The following NEGR1 variants were observed in gnomAD, a reference collection of about 807,000 sequenced individuals.
NEGR1 encodes IgLON family member 4.
Under a neutral mutation model 40.9 loss-of-function variants are expected in NEGR1, and 10 were observed. That is an observed-to-expected ratio of 0.24 (90% CI 0.15 to 0.42). NEGR1 has a LOEUF of 0.42. NEGR1 is among the 10% of genes least tolerant of loss of function. The pLI is 1.00. For missense variants in NEGR1, 352 were observed against 438.9 expected, an observed-to-expected ratio of 0.80 and a Z score of 1.77; for synonymous variants, 185 against 166.8, an observed-to-expected ratio of 1.11 and a Z score of -0.84.
chr1:71,596,523 A>G (rs1649718375), intron 5 of NEGR1, among the ~76,000 whole-genome samples: 1 of 152,260 alleles, frequency 6.6e-6, no homozygotes, highest in Non-Finnish European at 1.5e-5. Flanking sequence ...GAAACTTTAC[A>G]GTCATAACCT....
chr1:71,779,021 C>T (rs143303802), intron 2 of NEGR1, among the ~76,000 whole-genome samples: 94 of 152,042 alleles, frequency 6.2e-4, no homozygotes, highest in African/African-American at 2.1e-3. Context: ...AATTGCCTTC[C>T]AGGGCCTCAT....
intron 3 of NEGR1, among the ~76,000 whole-genome samples, chr1:71,747,412 GA>G (rs1465997889): frequency 2.7e-5 from 4 of 150,836 alleles, no homozygotes; most frequent in Non-Finnish European, 5.9e-5. Context: ...GCCATGTGGT[GA>G]AAACTTCTTA....
chr1:71,834,424 G>A (rs1244250170), intron 2 of NEGR1, among the ~76,000 whole-genome samples: 1 of 151,932 alleles, frequency 6.6e-6, no homozygotes, highest in Non-Finnish European at 1.5e-5. Flanking sequence ...AGATATAAAG[G>A]TGGAGGAAGG....
At chr1:71,911,544 G>C (rs1294584088) in intron 2 of NEGR1, among the ~76,000 whole-genome samples, 1 of 152,154 alleles carries the variant, frequency 6.6e-6, no homozygotes, top group Non-Finnish European at 1.5e-5. Context: ...TGGATTCTAA[G>C]CCCCATGAGA....
At chr1:71,876,291 A>G (rs1660427656) in intron 2 of NEGR1, among the ~76,000 whole-genome samples, 1 of 152,110 alleles carries the variant, frequency 6.6e-6, no homozygotes, top group Non-Finnish European at 1.5e-5. Context: ...AAGGTGGATC[A>G]CTTGTGCTCA....
chr1:71,450,934 T>TA (rs145850425), intron 6 of NEGR1, among the ~76,000 whole-genome samples: 4,580 of 152,266 alleles, frequency 0.03, 247 homozygotes, highest in African/African-American at 0.1. Context: ...TACACATTTT[T>TA]AAAAAAAGTG....
chr1:71,659,814 G>A (rs1651998400), intron 4 of NEGR1, among the ~76,000 whole-genome samples: 1 of 152,206 alleles, frequency 6.6e-6, no homozygotes, highest in Admixed American at 6.5e-5. Context: ...TTATCAAAAA[G>A]TTAAAAAATA....
intron 2 of NEGR1, among the ~76,000 whole-genome samples, chr1:71,881,496 T>C (rs1448946614): frequency 1.3e-5 from 2 of 152,044 alleles, no homozygotes; most frequent in Non-Finnish European, 2.9e-5. Flanking sequence ...TACATCTACA[T>C]TTTCCTAACT....
chr1:71,496,352 T>G (rs977485059), intron 6 of NEGR1, among the ~76,000 whole-genome samples: 4 of 152,136 alleles, frequency 2.6e-5, no homozygotes, highest in Non-Finnish European at 5.9e-5. Context: ...AGGAAGATAT[T>G]CATAGAAACT....
At chr1:72,204,285 C>T (rs9425076) in intron 1 of NEGR1, among the ~76,000 whole-genome samples, 2 of 151,994 alleles carry the variant, frequency 1.3e-5, no homozygotes, top group Non-Finnish European at 2.9e-5. Context: ...ACTAAACTCC[C>T]TAATTAATGA....
chr1:72,253,751 A>C (rs1570180094), intron 1 of NEGR1, among the ~76,000 whole-genome samples: 1 of 152,326 alleles, frequency 6.6e-6, no homozygotes. Context: ...TGAAATCAAT[A>C]AAAATATTAT....
At chr1:71,921,370 C>A (rs1645715466) in intron 2 of NEGR1, among the ~76,000 whole-genome samples, 1 of 151,944 alleles carries the variant, frequency 6.6e-6, no homozygotes. Flanking sequence ...TACATTTGAC[C>A]TTTGAACAAT....
intron 5 of NEGR1, among the ~76,000 whole-genome samples, chr1:71,607,853 C>T (rs531109813): frequency 4.6e-5 from 7 of 152,160 alleles, no homozygotes; most frequent in Non-Finnish European, 8.8e-5. Flanking sequence ...GCCACCATGC[C>T]CGGCTAATTT....
At chr1:72,131,808 C>T (rs1441344812) in intron 1 of NEGR1, among the ~76,000 whole-genome samples, 1 of 152,042 alleles carries the variant, frequency 6.6e-6, no homozygotes, top group Non-Finnish European at 1.5e-5. Flanking sequence ...ATTTTACTCC[C>T]AGTATTGGCT....
At chr1:71,914,044 A>C (rs1480059501) in intron 2 of NEGR1, among the ~76,000 whole-genome samples, 1 of 152,176 alleles carries the variant, frequency 6.6e-6, no homozygotes, top group Non-Finnish European at 1.5e-5. Flanking sequence ...AATTTGAACA[A>C]TATAAGAAGA....
chr1:72,055,561 C>T (rs1022860514), intron 1 of NEGR1, among the ~76,000 whole-genome samples: 2 of 150,774 alleles, frequency 1.3e-5, no homozygotes, highest in African/African-American at 4.9e-5. Flanking sequence ...ATAGATTATT[C>T]CTTGATTTTA....
At chr1:71,936,356 T>A (rs1645905552) in intron 1 of NEGR1, among the ~76,000 whole-genome samples, 1 of 152,196 alleles carries the variant, frequency 6.6e-6, no homozygotes, top group Non-Finnish European at 1.5e-5. Context: ...ACAGGTATTG[T>A]CTGTTGCTGT....
chr1:71,407,551 A>T lies in NEGR1; in HGVS notation c.960T>A (p.Tyr320Ter), dbSNP rs748730921. The T allele has an allele frequency of 6.2e-7, 1 of 1,611,956 alleles. No homozygotes were observed. The highest frequency in any genetic ancestry group is 8.5e-7 in the Non-Finnish European group (1 of 1,178,338). ...GAACATCAGCGCTCCCGGTAATTCCATACTGGGCTGTACTTGGAGCTGGAA... is the reference window on the plus strand; with the variant it reads ...GAACATCAGCGCTCCCGGTAATTCCTTACTGGGCTGTACTTGGAGCTGGAA... Reference protein sequence around the residue: ...LPLNPPSTAQYGITGSADVLF... With the variant: ...LPLNPPSTAQ The change falls in exon 7 of 7, where the codon TAT (tyrosine) becomes TAA (stop). Residue 320 changes from tyrosine to a stop codon, truncating the protein, a stop_gained. Coordinates refer to ENST00000357731, the MANE Select transcript of NEGR1 (RefSeq NM_173808.3). LOFTEE classifies it high-confidence loss of function.
intron 1 of NEGR1, among the ~76,000 whole-genome samples, chr1:72,272,118 CTTA>C (rs1655867315): frequency 6.6e-6 from 1 of 151,762 alleles, no homozygotes; most frequent in South Asian, 2.1e-4. Flanking sequence ...TATATTTTCT[CTTA>C]TTATAGTTCT....
Sources: allele counts gnomAD v4.1 joint callset (sites outside exome capture counted in the v4.1 genomes callset), GRCh38; gene constraint gnomAD v4.1.1; transcripts MANE v1.5; gene names NCBI Gene and HGNC (gene_info 2026-07-23, HGNC 2026-07-21).